Variants in SCN10A observed in about 807,000 individuals in gnomAD.
SCN10A encodes the protein sodium voltage-gated channel alpha subunit 10, also known as sodium channel protein type 10 subunit alpha.
In SCN10A, 162 loss-of-function variants were observed where a neutral mutation model predicts 170.7. That is an observed-to-expected ratio of 0.95 (90% CI 0.84 to 1.08). SCN10A has a LOEUF of 1.08. Ranked by LOEUF, SCN10A falls within the 50% of genes least tolerant of loss-of-function variation. The pLI is 0.00. For missense variants in SCN10A, 2,527 were observed against 2,436.9 expected (o/e 1.04, Z -0.78); for synonymous variants, 985 against 904.6 (o/e 1.09, Z -1.59).
chr3:38,752,826 G>C (rs1459265911), intron 11 of SCN10A, among the ~76,000 whole-genome samples: 1 of 152,194 alleles, frequency 6.6e-6, no homozygotes, highest in African/African-American at 2.4e-5. Context: ...TCAGTTGATT[G>C]CCAACCTTTG....
At chr3:38,756,062 G>A in intron 10 of SCN10A, 104 bp from the exon 11 acceptor site, 5 of 1,260,740 alleles carry the variant, frequency 4.0e-6, no homozygotes, top group Non-Finnish European at 5.7e-6. Flanking sequence ...CTGAAACAGA[G>A]AAGCTGAAGG....
At chr3:38,702,137 G>C (rs1392596699) in intron 26 of SCN10A, 28 bp from the exon 27 acceptor site, 1 of 1,523,124 alleles carries the variant, frequency 6.6e-7, no homozygotes, top group East Asian at 2.3e-5. Flanking sequence ...AGTGGCATCA[G>C]GGCCTTTGGG....
rs1436807794 is a variant in SCN10A, at chr3:38,697,619, C to T, written c.5601G>A (p.Leu1867=). 1.2e-6 allele frequency: 2 copies of T among 1,614,060 alleles called. No individual in the cohort carries two copies. Among genetic ancestry groups the T allele is most frequent in the African/African-American group, 1.3e-5 (1 of 74,916 alleles). ...VIQKAYRSYV[L]HRSMALSNTP... is the part of the protein sequence containing the mutation. ...TGTTAGAGAGTGCCATGGAGCGGTG[C>T]AGCACATAGCTCCGATAGGCCTTTT... is the stretch of plus-strand genomic sequence containing the variant. The change falls in exon 28 of 28, where the codon CTG becomes CTA. Residue 1867 remains leucine, a synonymous_variant. Coordinates refer to ENST00000449082, the MANE Select transcript of SCN10A (RefSeq NM_006514.4).
intron 26 of SCN10A, 28 bp downstream of exon 26, chr3:38,707,251 T>C: frequency 6.2e-7 from 1 of 1,609,024 alleles, no homozygotes; most frequent in South Asian, 1.1e-5. Context: ...ACAGACAGGC[T>C]GTGCTAGAGG....
Position 38,698,457 on chromosome 3 carries a change from C to A in SCN10A, c.4763G>T (p.Arg1588Leu), listed in dbSNP as rs376439863. 1.2e-6 allele frequency: 2 copies of A among 1,614,086 alleles called. No individual in the cohort carries two copies. The highest frequency in any genetic ancestry group is 8.5e-7 in the Non-Finnish European group (1 of 1,180,026). ...CAGTGTGCGGATCCCCTTGGCCGCT[C>A]GGATCAGTCTGAGGATGCGGCCAAT... is the stretch of plus-strand genomic sequence containing the variant. ...ARIGRILRLI[R>L]AAKGIRTLLF... Residue 1588 changes from arginine (R) to leucine (L), a missense_variant, in exon 28 of 28, where the codon CGA (arginine) becomes CTA (leucine). Transcript: ENST00000449082.
intron 4 of SCN10A, among the ~76,000 whole-genome samples, chr3:38,778,303 T>C (rs2064099212): frequency 6.6e-6 from 1 of 151,912 alleles, no homozygotes; most frequent in Non-Finnish European, 1.5e-5. Context: ...CCTAGGGTCA[T>C]CAAAGAGCCC....
chr3:38,702,231 T>A, intron 26 of SCN10A, 122 bp from the exon 27 acceptor site: 1 of 1,028,660 alleles, frequency 9.7e-7, no homozygotes, highest in Admixed American at 3.3e-5. Flanking sequence ...CGAAATACTA[T>A]CCTTACCTCT....
At position 38,709,517 on chromosome 3, in the gene SCN10A, A is replaced by G; in HGVS notation, c.4242T>C (p.Val1414=). The change falls in exon 25 of 28, where the codon GTT becomes GTC. Residue 1414 remains valine (V), a synonymous_variant. Transcript: ENST00000449082. Reference sequence around the variant, plus strand: ...GATTGAAGTTGTCAATTATGACCCCAACAAAGAGATTCAGTGTGAAGAAGC... The same window carrying G: ...GATTGAAGTTGTCAATTATGACCCCGACAAAGAGATTCAGTGTGAAGAAGC... ...FGGFFTLNLF[V]GVIIDNFNQQ... 1.2e-6 allele frequency: 2 copies of G among 1,612,950 alleles called. No homozygotes were observed. Among genetic ancestry groups the G allele is most frequent in the Non-Finnish European group, 1.7e-6 (2 of 1,179,552 alleles).
intron 1 of SCN10A, among the ~76,000 whole-genome samples, chr3:38,795,341 C>CTTTTTTT (rs201748424): frequency 1.0e-3 from 130 of 127,822 alleles, no homozygotes; most frequent in South Asian, 1.3e-3. Flanking sequence ...TTTTCTTTTT[C>CTTTTTTT]TTTTTCTTTT....
intron 1 of SCN10A, among the ~76,000 whole-genome samples, chr3:38,815,604 C>T (rs1250559440): frequency 2.6e-5 from 4 of 152,206 alleles, no homozygotes; most frequent in African/African-American, 9.6e-5. Flanking sequence ...GCATTCTTTG[C>T]TTTCTGTGCC....
chr3:38,721,963 C>A (rs567208157), intron 20 of SCN10A, among the ~76,000 whole-genome samples: 1 of 152,280 alleles, frequency 6.6e-6, no homozygotes, highest in South Asian at 2.1e-4. Flanking sequence ...CTTGGACAAG[C>A]CTTTTAAACA....
chr3:38,804,166 G>A (rs2064392044), intron 1 of SCN10A, among the ~76,000 whole-genome samples: 1 of 152,094 alleles, frequency 6.6e-6, no homozygotes, highest in Admixed American at 6.6e-5. Flanking sequence ...CATTGGAACC[G>A]AGTCTCACAG....
intron 15 of SCN10A, among the ~76,000 whole-genome samples, chr3:38,731,128 G>A (rs535478504): frequency 6.6e-6 from 1 of 152,306 alleles, no homozygotes; most frequent in South Asian, 2.1e-4. Flanking sequence ...AGAAAGGAAG[G>A]AATAACAGTT....
At chr3:38,769,662 T>C (rs1402429251) in intron 5 of SCN10A, among the ~76,000 whole-genome samples, 1 of 152,228 alleles carries the variant, frequency 6.6e-6, no homozygotes, top group African/African-American at 2.4e-5. Flanking sequence ...AGAATTGCTT[T>C]TCTGGTTCCT....
chr3:38,752,447 G>A lies in SCN10A; in HGVS notation c.1527C>T (p.Ser509=), dbSNP rs756166577. 4.3e-6 allele frequency: 7 copies of A among 1,612,872 alleles called. No individual in the cohort carries two copies. The South Asian group carries it at 7.7e-5, about 18-fold the overall frequency. The part of the protein sequence containing the change: ...ASHGSVFHFR[S]PGRDISLPEG... ...CAGGGAGTGAGATATCTCGGCCAGG[G>A]GACCGGAAATGGAACACACTGCCAT... Residue 509 remains serine (S), a synonymous_variant, in exon 12 of 28, where the codon TCC becomes TCT. Transcript: ENST00000449082.
chr3:38,722,738 C>A (rs1015741699), intron 19 of SCN10A, among the ~76,000 whole-genome samples: 5 of 152,104 alleles, frequency 3.3e-5, no homozygotes, highest in African/African-American at 1.2e-4. Context: ...CCTGGGGGTG[C>A]CTGAGGGGGA....
intron 27 of SCN10A, among the ~76,000 whole-genome samples, chr3:38,701,260 G>T (rs2063153257): frequency 6.6e-6 from 1 of 151,990 alleles, no homozygotes; most frequent in Non-Finnish European, 1.5e-5. Flanking sequence ...ACCCAGACTG[G>T]GCCTTAACAG....
In SCN10A at chr3:38,752,373, C is replaced by T. The variant is rs147246725; in HGVS notation, c.1601G>A (p.Arg534Gln). ...ACCCCCACCCAGCAGCAGAGAGCCC[C>T]GATGGCTTTCGTGGTCTCCAGGAAA... ...GVFPGDHESHRGSLLLGGGAG... is the reference protein window; with the variant it reads ...GVFPGDHESHQGSLLLGGGAG... Residue 534 changes from arginine to glutamine, a missense_variant, in exon 12 of 28, where the codon CGG becomes CAG. Physicochemically the swap from Arg to Gln is conservative, Grantham distance 43. Coordinates refer to ENST00000449082, the MANE Select transcript of SCN10A (RefSeq NM_006514.4). 89 of 1,613,938 alleles carry T rather than the reference C, an allele frequency of 5.5e-5. No individual in the cohort carries two copies. Among genetic ancestry groups the T allele is most frequent in the South Asian group, 8.8e-5 (8 of 90,994 alleles).
intron 16 of SCN10A, 137 bp from the exon 17 acceptor site, chr3:38,727,189 G>T (rs566667607): frequency 9.9e-5 from 75 of 754,892 alleles, no homozygotes; most frequent in Middle Eastern, 2.8e-4. Flanking sequence ...TGTCCCTTTT[G>T]GGGGAATGGA....
Sources: allele counts gnomAD v4.1 joint callset (sites outside exome capture counted in the v4.1 genomes callset), GRCh38; gene constraint gnomAD v4.1.1; transcripts MANE v1.5; gene names NCBI Gene and HGNC (gene_info 2026-07-23, HGNC 2026-07-21).